The following NEO1 variants were observed in gnomAD, a reference collection of about 807,000 sequenced individuals.
The protein encoded by NEO1 is neogenin 1, also known as neogenin.
Under a neutral mutation model 159.7 loss-of-function variants are expected in NEO1, and 63 were observed. The observed-to-expected ratio is 0.39, with a 90% CI of 0.32 to 0.49. NEO1 has a LOEUF of 0.49. Among genes scored for constraint, NEO1 ranks in the 20% least tolerant of loss-of-function variants. NEO1 has a pLI of 0.85. For synonymous variants in NEO1, 633 were observed against 662.0 expected, an observed-to-expected ratio of 0.96 and a Z score of 0.67; for missense variants, 1,615 against 1,831.0, an observed-to-expected ratio of 0.88 and a Z score of 2.15.
intron 9 of NEO1, among the ~76,000 whole-genome samples, chr15:73,248,427 T>C (rs2039909181): frequency 6.6e-6 from 1 of 152,196 alleles, no homozygotes; most frequent in Non-Finnish European, 1.5e-5. Flanking sequence ...ATCCACTCTG[T>C]TTCAACCAAG....
At chr15:73,192,483 T>A (rs1170698687) in intron 7 of NEO1, among the ~76,000 whole-genome samples, 6 of 151,952 alleles carry the variant, frequency 3.9e-5, no homozygotes, top group African/African-American at 1.4e-4. Flanking sequence ...AAGAATAATT[T>A]AAAATTCACA....
chr15:73,073,573 A>C (rs936620428), intron 1 of NEO1, among the ~76,000 whole-genome samples: 1 of 152,162 alleles, frequency 6.6e-6, no homozygotes, highest in African/African-American at 2.4e-5. Context: ...GAAGGTTGGG[A>C]GAACACGGGG....
At chr15:73,054,666 C>A (rs2067615479) in intron 1 of NEO1, among the ~76,000 whole-genome samples, 1 of 151,982 alleles carries the variant, frequency 6.6e-6, no homozygotes, top group Non-Finnish European at 1.5e-5. Flanking sequence ...GGTAATTAGT[C>A]GTTTAATTGG....
chr15:73,052,630 C>A lies in NEO1; in HGVS notation c.-46C>A. ...CGCGCGGGAGGGAAGGAGGCAAGGGCTCCGCGGCGCTGTCGCCGCCGCTGC... is the reference window on the plus strand; with the variant it reads ...CGCGCGGGAGGGAAGGAGGCAAGGGATCCGCGGCGCTGTCGCCGCCGCTGC... On this transcript the variant is annotated 5_prime_UTR_variant, in exon 1 of 29. Transcript: ENST00000261908. 1 of 1,184,044 alleles carries A rather than the reference C, an allele frequency of 8.4e-7. No individual in the cohort carries two copies. Among genetic ancestry groups the A allele is most frequent in the Non-Finnish European group, 1.1e-6 (1 of 948,956 alleles). The allele number at this position is 1,184,044 out of a possible 1,614,324, so 73.3% of individuals were successfully genotyped here. A position where few individuals can be genotyped will look rare whatever the true frequency, so the allele number is the denominator to read the frequency against.
chr15:73,116,943 T>A (rs2071359683), intron 2 of NEO1, 86 bp downstream of exon 2: 1 of 1,082,314 alleles, frequency 9.2e-7, no homozygotes, highest in Non-Finnish European at 1.3e-6. Context: ...TGGAGTTTTC[T>A]TTTAATTAGT....
At chr15:73,282,329 TG>T in intron 22 of NEO1, among the ~76,000 whole-genome samples, 1 of 152,372 alleles carries the variant, frequency 6.6e-6, no homozygotes, top group African/African-American at 2.4e-5. Context: ...TTCACATCTT[TG>T]TTGTTCACCA....
chr15:73,084,195 A>G (rs1190510758), intron 1 of NEO1, among the ~76,000 whole-genome samples: 3 of 152,120 alleles, frequency 2.0e-5, no homozygotes, highest in African/African-American at 4.8e-5. Context: ...TTTCAAGAAT[A>G]TAATACATTG....
chr15:73,166,155 T>A (rs2034556740), intron 5 of NEO1, among the ~76,000 whole-genome samples: 2 of 152,150 alleles, frequency 1.3e-5, no homozygotes, highest in South Asian at 4.1e-4. Context: ...AGTACTGTGA[T>A]ACCACCCCCA....
At chr15:73,281,645 T>A (rs2041721996) in intron 22 of NEO1, among the ~76,000 whole-genome samples, 2 of 152,180 alleles carry the variant, frequency 1.3e-5, no homozygotes, top group Admixed American at 6.5e-5. Context: ...GGATGCCTCT[T>A]AAGTACTTCC....
Position 73,067,121 on chromosome 15 carries a change from T to C in NEO1, c.130+14316T>C, listed in dbSNP as rs184815097. 5.7e-4 allele frequency among the ~76,000 whole-genome samples: 87 copies of C among 152,368 alleles called. 2 individuals are homozygous for C. Among genetic ancestry groups the C allele is most frequent in the South Asian group, 2.7e-3 (13 of 4,832 alleles). ...TTTTCATCACATGTAGTCTGCTGTT[T>C]GGTGTCCCATTTGTATTTCTTTGGA... On this transcript the variant is annotated intron_variant, in intron 1 of 28. Transcript: ENST00000261908.
intron 25 of NEO1, among the ~76,000 whole-genome samples, chr15:73,290,848 C>T (rs2042139081): frequency 6.6e-6 from 1 of 152,054 alleles, no homozygotes; most frequent in African/African-American, 2.4e-5. Context: ...ACCATGACAT[C>T]GTGCACTTGG....
intron 2 of NEO1, among the ~76,000 whole-genome samples, chr15:73,119,091 C>G (rs565901744): frequency 6.6e-6 from 1 of 152,186 alleles, no homozygotes; most frequent in East Asian, 1.9e-4. Context: ...AGCAGTTCCA[C>G]TTGTAGGTGT....
Position 73,194,331 on chromosome 15 carries a change from T to G in NEO1, c.1291+15904T>G, listed in dbSNP as rs546457638. Among the ~76,000 whole-genome samples, 33 of 152,286 alleles carry G rather than the reference T, an allele frequency of 2.2e-4. 1 individual carries two copies. The highest frequency in any genetic ancestry group is 7.9e-4 in the African/African-American group (33 of 41,560). On this transcript the variant is annotated intron_variant, in intron 7 of 28. Transcript: ENST00000261908. ...CCCTAATGGCTTTGTATTAGTTCAT[T>G]TGCATTGCTATAAAAGAATACCTAA...
chr15:73,206,692 A>T (rs1414697899), intron 7 of NEO1, among the ~76,000 whole-genome samples: 1 of 152,092 alleles, frequency 6.6e-6, no homozygotes, highest in Non-Finnish European at 1.5e-5. Flanking sequence ...TGCTCATTTG[A>T]AAACTTTTTT....
intron 7 of NEO1, among the ~76,000 whole-genome samples, chr15:73,213,367 A>G (rs1329473603): frequency 6.6e-6 from 1 of 152,188 alleles, no homozygotes; most frequent in Non-Finnish European, 1.5e-5. Flanking sequence ...TGGTTCACCC[A>G]TCACCTGAAC....
At chr15:73,285,171 G>A (rs113131096) in intron 23 of NEO1, among the ~76,000 whole-genome samples, 2,486 of 152,184 alleles carry the variant, frequency 0.016, 39 homozygotes, top group Non-Finnish European at 0.026. Context: ...CCAGGCTGAA[G>A]TGCAGTGGAA....
At chr15:73,215,480 T>G (rs2037824152) in intron 7 of NEO1, among the ~76,000 whole-genome samples, 1 of 152,208 alleles carries the variant, frequency 6.6e-6, no homozygotes, top group African/African-American at 2.4e-5. Flanking sequence ...GCTAACAATT[T>G]TAATCATAAA....
intron 7 of NEO1, among the ~76,000 whole-genome samples, chr15:73,201,095 T>G (rs999781449): frequency 6.6e-6 from 1 of 152,098 alleles, no homozygotes; most frequent in Non-Finnish European, 1.5e-5. Context: ...GCTACAGGTT[T>G]AACAGTCTGT....
At chr15:73,290,780 A>G (rs1838001316) in intron 25 of NEO1, among the ~76,000 whole-genome samples, 1 of 152,164 alleles carries the variant, frequency 6.6e-6, no homozygotes, top group African/African-American at 2.4e-5. Context: ...ATTCTCAGCC[A>G]TCTGTCAACA....
Sources: allele counts gnomAD v4.1 joint callset (sites outside exome capture counted in the v4.1 genomes callset), GRCh38; gene constraint gnomAD v4.1.1; transcripts MANE v1.5; gene names NCBI Gene and HGNC (gene_info 2026-07-23, HGNC 2026-07-21).